The following NVL variants were observed in gnomAD, a reference collection of about 807,000 sequenced individuals.
NVL encodes nuclear valosin-containing protein-like.
Under a neutral mutation model 110.2 loss-of-function variants are expected in NVL, and 84 were observed. The ratio of observed to expected loss-of-function variants is 0.76; its 90% CI spans 0.64 to 0.91. The LOEUF is 0.91. Ranked by LOEUF, NVL falls within the 40% of genes least tolerant of loss-of-function variation. The probability of loss-of-function intolerance (pLI) is 0.00; values close to 1 mark genes in which losing one functional copy is unlikely to be tolerated. For synonymous variants in NVL, 354 were observed against 361.1 expected (o/e 0.98, Z 0.22); for missense variants, 882 against 1,035.9 (o/e 0.85, Z 2.04).
intron 5 of NVL, among the ~76,000 whole-genome samples, chr1:224,308,682 C>G (rs1270013486): frequency 1.5e-5 from 2 of 137,468 alleles, no homozygotes; most frequent in South Asian, 4.5e-4. Flanking sequence ...CAGAGTGAGA[C>G]TCCATCTCAA....
At chr1:224,324,504 C>T (rs1670949783) in intron 2 of NVL, among the ~76,000 whole-genome samples, 1 of 152,218 alleles carries the variant, frequency 6.6e-6, no homozygotes, top group Non-Finnish European at 1.5e-5. Flanking sequence ...TCATAGCTCA[C>T]TGCAACCTTG....
At chr1:224,236,624 G>C in intron 19 of NVL, 42 bp from the exon 20 acceptor site, 1 of 1,521,426 alleles carries the variant, frequency 6.6e-7, no homozygotes, top group Non-Finnish European at 9.1e-7. Flanking sequence ...GAGCTTTAAA[G>C]ACCATGCCGG....
chr1:224,318,297 A>G (rs1670291624), intron 2 of NVL, among the ~76,000 whole-genome samples: 1 of 152,218 alleles, frequency 6.6e-6, no homozygotes, highest in Non-Finnish European at 1.5e-5. Flanking sequence ...GGGGTAGAGC[A>G]AAACCATTTG....
In NVL at chr1:224,296,635, C is replaced by A; in HGVS notation, c.1063-17G>T. The A allele has an allele frequency of 1.4e-6, 2 of 1,446,648 alleles. No individual in the cohort carries two copies. The highest frequency in any genetic ancestry group is 3.9e-5 in the Admixed American group (2 of 51,464). The allele number at this position is 1,446,648 out of a possible 1,614,324, so 89.6% of individuals were successfully genotyped here. On this transcript the variant is annotated splice_polypyrimidine_tract_variant and intron_variant, in intron 10 of 22. Transcript: ENST00000281701. The stretch of plus-strand genomic sequence containing the variant: ...TGCATTTGACTAGAAATAAAAATAT[C>A]ACAAAAAGACAATCATAAATGCATC...
intron 15 of NVL, among the ~76,000 whole-genome samples, chr1:224,282,070 ATT>A (rs571698440): frequency 7.0e-6 from 1 of 142,132 alleles, no homozygotes. Flanking sequence ...TTTCACTTTA[ATT>A]TTTTTTTTTT....
intron 19 of NVL, among the ~76,000 whole-genome samples, chr1:224,246,109 A>C (rs1036055130): frequency 6.6e-6 from 1 of 151,650 alleles, no homozygotes; most frequent in South Asian, 2.1e-4. Flanking sequence ...GGCTCACCAC[A>C]ACCTCTGCCT....
In NVL at chr1:224,296,857, C is replaced by T. The variant is rs540741528; in HGVS notation, c.1063-239G>A. ...TAGGGTAACACATTTATAGTCTCTTCATCAATGCATGTTTTGTGATAAATC... is the reference window on the plus strand; with the variant it reads ...TAGGGTAACACATTTATAGTCTCTTTATCAATGCATGTTTTGTGATAAATC... On this transcript the variant is annotated intron_variant, in intron 10 of 22. Transcript: ENST00000281701. Among the ~76,000 whole-genome samples, 30 of 152,228 alleles carry T rather than the reference C, an allele frequency of 2.0e-4. No individual in the cohort carries two copies. The South Asian group carries it at 4.1e-3, about 21-fold the overall frequency.
At chr1:224,237,739 T>TTTTTTTC (rs1236853438) in intron 19 of NVL, among the ~76,000 whole-genome samples, 1 of 148,822 alleles carries the variant, frequency 6.7e-6, no homozygotes, top group Non-Finnish European at 1.5e-5. Context: ...ACTTTTTTTT[T>TTTTTTTC]TTTTTGAGAC....
At chr1:224,251,271 C>CAAAAAAAAAAAAAAAAAAAAAAAA in intron 18 of NVL, among the ~76,000 whole-genome samples, 1 of 62,172 alleles carries the variant, frequency 1.6e-5, no homozygotes, top group Non-Finnish European at 2.7e-5. Flanking sequence ...GATACTGTCT[C>CAAAAAAAAAAAAAAAAAAAAAAAA]AAAAAAAAAA....
chr1:224,289,831 G>A (rs1178699539), intron 12 of NVL, 98 bp from the exon 13 acceptor site: 1 of 1,198,604 alleles, frequency 8.3e-7, no homozygotes, highest in Non-Finnish European at 1.1e-6. Context: ...GTCTGCCAAA[G>A]GTATCAAAAT....
In NVL at chr1:224,272,809, C is replaced by T. The variant is rs569656226; in HGVS notation, c.2082+2530G>A. On this transcript the variant is annotated intron_variant, in intron 17 of 22. Coordinates refer to ENST00000281701, the MANE Select transcript of NVL (RefSeq NM_002533.4). ...CAGCACTTTGGGAGGCCGAGGCGGG[C>T]GGATCGCGAGGTCAGGAGATCGAGA... 3.3e-5 allele frequency among the ~76,000 whole-genome samples: 5 copies of T among 149,632 alleles called. No individual in the cohort carries two copies. The East Asian group carries it at 6.1e-4, about 18-fold the overall frequency.
intron 14 of NVL, among the ~76,000 whole-genome samples, chr1:224,286,530 T>C (rs1408794237): frequency 1.3e-5 from 2 of 152,180 alleles, no homozygotes; most frequent in Non-Finnish European, 2.9e-5. Flanking sequence ...TCAACATGAC[T>C]GTGAGGCCTG....
At chr1:224,258,741 A>G (rs1193210671) in intron 18 of NVL, among the ~76,000 whole-genome samples, 2 of 152,204 alleles carry the variant, frequency 1.3e-5, no homozygotes, top group Non-Finnish European at 2.9e-5. Flanking sequence ...ACATTCTATA[A>G]TATGAATAAA....
chr1:224,301,071 A>G (rs896145327), intron 9 of NVL, among the ~76,000 whole-genome samples: 2 of 151,020 alleles, frequency 1.3e-5, no homozygotes, highest in Non-Finnish European at 2.9e-5. Flanking sequence ...GCGCCATTGC[A>G]CTCCAGCCTG....
chr1:224,325,665 G>A (rs996724009), intron 2 of NVL, among the ~76,000 whole-genome samples: 1 of 151,898 alleles, frequency 6.6e-6, no homozygotes, highest in Non-Finnish European at 1.5e-5. Flanking sequence ...CCTGGGAAGC[G>A]GAGGTTGCGG....
At position 224,227,523 on chromosome 1, in the gene NVL, T is replaced by G; in HGVS notation, c.*103A>C. On this transcript the variant is annotated 3_prime_UTR_variant, in exon 23 of 23. Coordinates refer to ENST00000281701, the MANE Select transcript of NVL (RefSeq NM_002533.4). ...TTCATTTGAAAATAAAATGTTTACA[T>G]GAGGCCGCGCCTGTGTCCAGCTGAA... is the stretch of plus-strand genomic sequence containing the variant. 1.8e-5 allele frequency: 16 copies of G among 900,488 alleles called. No homozygotes were observed. Among genetic ancestry groups the G allele is most frequent in the Non-Finnish European group, 2.6e-5 (16 of 610,852 alleles). The allele number at this position is 900,488 out of a possible 1,614,324, so 55.8% of individuals were successfully genotyped here.
intron 2 of NVL, among the ~76,000 whole-genome samples, chr1:224,320,351 C>G (rs1045615180): frequency 6.6e-6 from 1 of 152,126 alleles, no homozygotes. Flanking sequence ...CCATTTTCCT[C>G]TTTATAAAAA....
chr1:224,227,625 A>T lies in NVL; in HGVS notation c.*1T>A. 1 of 1,611,230 alleles carries T rather than the reference A, an allele frequency of 6.2e-7. No individual in the cohort carries two copies. Among genetic ancestry groups the T allele is most frequent in the Non-Finnish European group, 8.5e-7 (1 of 1,178,194 alleles). ...CTCCTCTAAGCCGGCTGCTGGAGACATCACCGGCTGAGGGACTCCTGCAAA... is the reference window on the plus strand; with the variant it reads ...CTCCTCTAAGCCGGCTGCTGGAGACTTCACCGGCTGAGGGACTCCTGCAAA... On this transcript the variant is annotated 3_prime_UTR_variant, in exon 23 of 23. Transcript: ENST00000281701.
At chr1:224,326,496 C>A in intron 1 of NVL, 32 bp from the exon 2 acceptor site, 1 of 1,414,142 alleles carries the variant, frequency 7.1e-7, no homozygotes, top group Non-Finnish European at 1.0e-6. Context: ...ATACAAAACA[C>A]CCAATATTTC....
Sources: allele counts gnomAD v4.1 joint callset (sites outside exome capture counted in the v4.1 genomes callset), GRCh38; gene constraint gnomAD v4.1.1; transcripts MANE v1.5; gene names NCBI Gene and HGNC (gene_info 2026-07-23, HGNC 2026-07-21).